SMAD2: variants seen among roughly 807,000 people sequenced by gnomAD.
SMAD2 encodes MAD homolog 2.
Under a neutral mutation model 64.4 loss-of-function variants are expected in SMAD2, and 8 were observed. That is an observed-to-expected ratio of 0.12 (90% CI 0.07 to 0.22). SMAD2 has a LOEUF of 0.22. Among genes scored for constraint, SMAD2 ranks in the 10% least tolerant of loss-of-function variants. The pLI is 1.00. For synonymous variants in SMAD2, 203 were observed against 195.8 expected (o/e 1.04, Z -0.31); for missense variants, 289 against 561.2 (o/e 0.51, Z 4.90).
chr18:47,885,549 T>C (rs1203624871), intron 2 of SMAD2, among the ~76,000 whole-genome samples: 3 of 152,180 alleles, frequency 2.0e-5, no homozygotes, highest in Non-Finnish European at 4.4e-5. Flanking sequence ...TACATGTTAT[T>C]CTAATCTTAA....
rs1247129247 is a variant in SMAD2 at position 47,832,065 on chromosome 18, C to A, written c.*9762G>T. On this transcript the variant is annotated 3_prime_UTR_variant, in exon 11 of 11. Transcript: ENST00000262160. ...GGATGACATCAGTTTGATACTGATG[C>A]CTGCTTCCTGCACTAAGAGGCTTTC... The A allele has an allele frequency of 6.6e-6, 1 of 152,108 alleles. No individual in the cohort carries two copies. Among genetic ancestry groups the A allele is most frequent in the Non-Finnish European group, 1.5e-5 (1 of 68,020 alleles). 9.4% of individuals were successfully genotyped at this position (152,108 alleles called of 1,614,324 possible).
chr18:47,892,267 T>C (rs914271016), intron 2 of SMAD2, among the ~76,000 whole-genome samples: 2 of 151,772 alleles, frequency 1.3e-5, no homozygotes, highest in Non-Finnish European at 1.5e-5. Context: ...TGGCTCAATC[T>C]GGGCTCACCG....
chr18:47,866,172 C>T (rs555021958), intron 5 of SMAD2, among the ~76,000 whole-genome samples: 5 of 151,536 alleles, frequency 3.3e-5, no homozygotes, highest in African/African-American at 4.8e-5. Flanking sequence ...CAAAATTAGC[C>T]GGGCATGGTG....
At chr18:47,854,081 A>T (rs1291227436) in intron 6 of SMAD2, among the ~76,000 whole-genome samples, 1 of 136,480 alleles carries the variant, frequency 7.3e-6, no homozygotes, top group Non-Finnish European at 1.5e-5. Flanking sequence ...CAATTAATAG[A>T]AGCCTTTAAA....
intron 6 of SMAD2, among the ~76,000 whole-genome samples, chr18:47,858,099 T>TTA (rs1358201202): frequency 1.3e-5 from 2 of 152,092 alleles, no homozygotes; most frequent in Non-Finnish European, 2.9e-5. Context: ...TCTAATATTA[T>TTA]TATATATACA....
chr18:47,895,714 G>A (rs184498887), intron 2 of SMAD2: 1 of 152,282 alleles, frequency 6.6e-6, no homozygotes, highest in Non-Finnish European at 1.5e-5. Context: ...AGGCTGCACT[G>A]GTGTTATTGG....
intron 5 of SMAD2, among the ~76,000 whole-genome samples, chr18:47,865,613 T>C (rs1194777681): frequency 1.3e-5 from 2 of 152,168 alleles, no homozygotes; most frequent in Non-Finnish European, 2.9e-5. Flanking sequence ...CTAAGTTCTA[T>C]AGGGTAAAAT....
At chr18:47,868,632 TAG>T (rs1365835114) in intron 4 of SMAD2, among the ~76,000 whole-genome samples, 175 bp from the exon 5 acceptor site, 2 of 152,132 alleles carry the variant, frequency 1.3e-5, no homozygotes, top group Non-Finnish European at 2.9e-5. Flanking sequence ...GGCTCTAACT[TAG>T]GTAGTCTATT....
intron 2 of SMAD2, among the ~76,000 whole-genome samples, chr18:47,883,445 C>T (rs1385108171): frequency 1.3e-5 from 2 of 152,184 alleles, no homozygotes; most frequent in Non-Finnish European, 2.9e-5. Context: ...ACTTGAAACG[C>T]TTGTATTTCT....
chr18:47,869,474 T>TAA (rs34501809), intron 3 of SMAD2, 38 bp from the exon 4 acceptor site: 5,527 of 1,057,682 alleles, frequency 5.2e-3, no homozygotes, highest in South Asian at 7.6e-3. Flanking sequence ...GAGGGAACTT[T>TAA]AAAAAAAAAA....
intron 8 of SMAD2, among the ~76,000 whole-genome samples, chr18:47,847,630 CAA>C (rs34954783): frequency 9.7e-4 from 90 of 92,804 alleles, no homozygotes; most frequent in South Asian, 5.3e-3. Flanking sequence ...ATTTCCAAAG[CAA>C]AAAAAAAAAA....
At chr18:47,878,629 A>G (rs2032406570) in intron 2 of SMAD2, 1 of 152,170 alleles carries the variant, frequency 6.6e-6, no homozygotes, top group Admixed American at 6.6e-5. Flanking sequence ...CCCATCTTAA[A>G]AAACAAAACA....
At chr18:47,892,901 A>G (rs115512041) in intron 2 of SMAD2, among the ~76,000 whole-genome samples, 2,615 of 152,300 alleles carry the variant, frequency 0.017, 66 homozygotes, top group African/African-American at 0.059. Flanking sequence ...TGTATAATCA[A>G]TATTATAAAA....
chr18:47,922,676 C>A (rs1022487532), intron 1 of SMAD2: 5 of 152,150 alleles, frequency 3.3e-5, no homozygotes, highest in African/African-American at 9.7e-5. Context: ...GAGAAAAAAA[C>A]AGCAGCATCA....
intron 2 of SMAD2, among the ~76,000 whole-genome samples, chr18:47,894,209 T>G (rs1012711831): frequency 6.6e-6 from 1 of 152,196 alleles, no homozygotes; most frequent in East Asian, 1.9e-4. Context: ...CTTGTTGAAG[T>G]TGTGCAAAAA....
intron 1 of SMAD2, among the ~76,000 whole-genome samples, chr18:47,911,924 CCT>C (rs756921425): frequency 6.6e-6 from 1 of 152,184 alleles, no homozygotes; most frequent in Non-Finnish European, 1.5e-5. Context: ...ACCTTTGGCC[CCT>C]GTTGGATTCC....
At chr18:47,867,317 A>C (rs973780095) in intron 5 of SMAD2, 3 of 152,156 alleles carry the variant, frequency 2.0e-5, no homozygotes, top group East Asian at 1.9e-4. Context: ...TAAAAAAAAA[A>C]CTTATCTTTC....
intron 1 of SMAD2, among the ~76,000 whole-genome samples, chr18:47,907,243 C>T (rs2033942034): frequency 6.6e-6 from 1 of 152,052 alleles, no homozygotes; most frequent in Non-Finnish European, 1.5e-5. Context: ...TCATAGTAGC[C>T]ATGTTAATAA....
chr18:47,848,834 G>A (rs1914794127), intron 7 of SMAD2, 147 bp from the exon 8 acceptor site: 13 of 643,944 alleles, frequency 2.0e-5, no homozygotes, highest in Non-Finnish European at 2.7e-5. Context: ...TATCTGTATC[G>A]GTTTCCACAG....
Sources: gnomAD v4.1 joint callset for allele counts (sites outside exome capture counted in the v4.1 genomes callset) on GRCh38, gnomAD v4.1.1 for gene constraint, MANE v1.5 for transcripts, NCBI Gene and HGNC (gene_info 2026-07-23, HGNC 2026-07-21) for gene names.